ATIC: variants seen among roughly 807,000 people sequenced by gnomAD.
ATIC encodes the protein 5-aminoimidazole-4-carboxamide ribonucleotide formyltransferase/IMP cyclohydrolase.
Under a neutral mutation model 72.5 loss-of-function variants are expected in ATIC, and 64 were observed. That is an observed-to-expected ratio of 0.88 (90% CI 0.72 to 1.09). The LOEUF (loss-of-function observed/expected upper bound fraction) is 1.09. ATIC is among the 50% of genes least tolerant of loss of function. The pLI is 0.00. For synonymous variants in ATIC, 281 were observed against 267.1 expected (o/e 1.05, Z -0.51); for missense variants, 787 against 732.4 (o/e 1.07, Z -0.86).
chr2:215,338,172 G>A (rs762134149), intron 11 of ATIC, among the ~76,000 whole-genome samples: 1 of 152,166 alleles, frequency 6.6e-6, no homozygotes, highest in Non-Finnish European at 1.5e-5. Context: ...AGTGTTACAC[G>A]TATTGTTCCA....
chr2:215,322,006 C>A (rs867587957), intron 4 of ATIC, among the ~76,000 whole-genome samples: 3 of 151,962 alleles, frequency 2.0e-5, no homozygotes, highest in Admixed American at 6.6e-5. Context: ...CGGATTCAAG[C>A]GATTCTGCCT....
chr2:215,332,556 C>G lies in ATIC; in HGVS notation c.814+49C>G, dbSNP rs190484695. Reference sequence around the variant, plus strand: ...CTCCAGAATTGTTCGAAAGGCATTTCTTCTTAAATTTTTTTGAATATTAAC... The same window carrying G: ...CTCCAGAATTGTTCGAAAGGCATTTGTTCTTAAATTTTTTTGAATATTAAC... On this transcript the variant is annotated intron_variant, in intron 8 of 15. Coordinates refer to ENST00000236959, the MANE Select transcript of ATIC (RefSeq NM_004044.7). 2.0e-4 allele frequency: 315 copies of G among 1,602,624 alleles called. 1 individual carries two copies. In the Middle Eastern group the frequency reaches 3.7e-3, roughly 19 times the overall value.
downstream of ATIC, among the ~76,000 whole-genome samples, chr2:215,352,433 T>C (rs2053137410): frequency 6.6e-6 from 1 of 151,928 alleles, no homozygotes; most frequent in Non-Finnish European, 1.5e-5. Context: ...ATTACAAAAA[T>C]TAGCCAGGTG....
At position 215,312,566 on chromosome 2, in the gene ATIC, A is replaced by C; in HGVS notation, c.88A>C (p.Asn30His). 6.2e-7 allele frequency: 1 copy of C among 1,614,240 alleles called. No individual in the cohort carries two copies. The highest frequency in any genetic ancestry group is 8.5e-7 in the Non-Finnish European group (1 of 1,180,040). ...FARNLTALGL[N>H]LVASGGTAKA... ...AAGAAACCTGACCGCTCTTGGTTTGAATCTGGTCGCTTCCGGAGGGACTGC... is the reference window on the plus strand; with the variant it reads ...AAGAAACCTGACCGCTCTTGGTTTGCATCTGGTCGCTTCCGGAGGGACTGC... Residue 30 changes from asparagine to histidine, a missense_variant, in exon 2 of 16, where the codon AAT becomes CAT. Physicochemically the swap from Asn to His is moderately conservative, Grantham distance 68. Coordinates refer to ENST00000236959, the MANE Select transcript of ATIC (RefSeq NM_004044.7).
At chr2:215,340,060 G>A (rs2053002787) in intron 12 of ATIC, among the ~76,000 whole-genome samples, 1 of 152,144 alleles carries the variant, frequency 6.6e-6, no homozygotes, top group African/African-American at 2.4e-5. Flanking sequence ...TGCGATCATA[G>A]CTCACTGCAA....
chr2:215,347,655 A>AACT (rs889216111), intron 14 of ATIC: 1 of 488,924 alleles, frequency 2.0e-6, no homozygotes, highest in Admixed American at 2.3e-5. Flanking sequence ...TTGAAGAGTG[A>AACT]GGCTGCAGAA....
chr2:215,355,920 G>C, the ATIC span, among the ~76,000 whole-genome samples: 11 of 152,144 alleles, frequency 7.2e-5, no homozygotes, highest in African/African-American at 2.7e-4. Flanking sequence ...AACCCTCTTG[G>C]AGTTTGATTC....
chr2:215,321,210 T>G (rs1157340481), intron 4 of ATIC, among the ~76,000 whole-genome samples: 1 of 152,222 alleles, frequency 6.6e-6, no homozygotes, highest in Non-Finnish European at 1.5e-5. Flanking sequence ...AGTGGACATT[T>G]TCATATAAAT....
In ATIC at chr2:215,348,979, A is replaced by G; in HGVS notation, c.1504-115A>G. Reference sequence around the variant, plus strand: ...CTAAAAAAAAAAAAATAATAATAATAATAAAAACAAGTCCTAAGAAAAATG... The same window carrying G: ...CTAAAAAAAAAAAAATAATAATAATGATAAAAACAAGTCCTAAGAAAAATG... On this transcript the variant is annotated intron_variant, in intron 14 of 15. Transcript: ENST00000236959. 2 of 897,142 alleles carry G rather than the reference A, an allele frequency of 2.2e-6. 1 individual carries two copies. Among genetic ancestry groups the G allele is most frequent in the Non-Finnish European group, 3.2e-6 (2 of 626,986 alleles). The allele number at this position is 897,142 out of a possible 1,614,324, so 55.6% of individuals were successfully genotyped here. A position where few individuals can be genotyped will look rare whatever the true frequency, so the allele number is the denominator to read the frequency against.
chr2:215,340,967 A>G (rs2053012931), intron 12 of ATIC, among the ~76,000 whole-genome samples: 1 of 152,138 alleles, frequency 6.6e-6, no homozygotes, highest in Admixed American at 6.5e-5. Context: ...GTTTGTTACT[A>G]AAAGAGGATT....
At chr2:215,356,946 A>G in the ATIC span, among the ~76,000 whole-genome samples, 1 of 152,158 alleles carries the variant, frequency 6.6e-6, no homozygotes, top group African/African-American at 2.4e-5. Flanking sequence ...TCGAGTATAT[A>G]TCTAGGAATG....
chr2:215,331,482 A>G (rs2052894347), intron 7 of ATIC, among the ~76,000 whole-genome samples: 1 of 149,198 alleles, frequency 6.7e-6, no homozygotes, highest in Non-Finnish European at 1.5e-5. Flanking sequence ...TTCCAGGTTC[A>G]AGCGATTCTC....
intron 7 of ATIC, among the ~76,000 whole-genome samples, chr2:215,329,726 T>C (rs1312802614): frequency 6.6e-6 from 1 of 152,206 alleles, no homozygotes. Flanking sequence ...ATTTCAGTTA[T>C]TAATGTCTTT....
intron 7 of ATIC, 134 bp downstream of exon 7, chr2:215,327,112 C>G: frequency 1.4e-6 from 2 of 1,423,932 alleles, no homozygotes; most frequent in Admixed American, 3.7e-5. Flanking sequence ...TGATAACCAT[C>G]TGGTTTGAGA....
intron 12 of ATIC, among the ~76,000 whole-genome samples, chr2:215,344,086 G>A (rs1299644279): frequency 1.3e-5 from 2 of 152,140 alleles, no homozygotes; most frequent in African/African-American, 2.4e-5. Flanking sequence ...ACAATTCTCC[G>A]CATTGGTTCT....
chr2:215,312,354 G>C, intron 1 of ATIC, 144 bp from the exon 2 acceptor site: 1 of 1,525,702 alleles, frequency 6.6e-7, no homozygotes, highest in Non-Finnish European at 9.0e-7. Flanking sequence ...GTAAGACCTG[G>C]GGAGGCCCGG....
chr2:215,342,464 A>C lies in ATIC; in HGVS notation c.1228-2315A>C, dbSNP rs530747705. Among the ~76,000 whole-genome samples the C allele has an allele frequency of 3.9e-5, 6 of 152,312 alleles. No homozygotes were observed. In the East Asian group the frequency reaches 1.2e-3, roughly 29 times the overall value. ...ATGCTAGCATTTGTCACACTACAGT[A>C]CAGTTCCACAACCATGCCATTGACA... On this transcript the variant is annotated intron_variant, in intron 12 of 15. Transcript: ENST00000236959.
intron 3 of ATIC, 96 bp from the exon 4 acceptor site, chr2:215,319,569 G>A (rs1274868925): frequency 1.1e-6 from 1 of 928,602 alleles, no homozygotes; most frequent in Non-Finnish European, 1.7e-6. Flanking sequence ...TTTAATCAAT[G>A]GGATTTAATT....
intron 4 of ATIC, among the ~76,000 whole-genome samples, chr2:215,323,855 C>T (rs2052794829): frequency 6.6e-6 from 1 of 152,140 alleles, no homozygotes. Flanking sequence ...CTCACTGTGA[C>T]CTCCGCCTCC....
Sources: allele counts gnomAD v4.1 joint callset (sites outside exome capture counted in the v4.1 genomes callset), GRCh38; gene constraint gnomAD v4.1.1; transcripts MANE v1.5; gene names NCBI Gene and HGNC (gene_info 2026-07-23, HGNC 2026-07-21).